The following SENP1 variants were observed in gnomAD, a reference collection of about 807,000 sequenced individuals.
SENP1 encodes SUMO specific peptidase 1.
A neutral mutation model predicts 93.0 loss-of-function variants in SENP1; 21 were observed. The observed-to-expected ratio is 0.23, with a 90% CI of 0.16 to 0.33. The LOEUF is 0.33. SENP1 is among the 10% of genes least tolerant of loss of function. SENP1 has a pLI of 1.00. For missense variants in SENP1, 591 were observed against 758.7 expected (o/e 0.78, Z 2.60); for synonymous variants, 256 against 259.6 (o/e 0.99, Z 0.13).
At chr12:48,079,119 C>T (rs1429672040) in intron 6 of SENP1, among the ~76,000 whole-genome samples, 1 of 152,042 alleles carries the variant, frequency 6.6e-6, no homozygotes, top group Non-Finnish European at 1.5e-5. Flanking sequence ...CACTGCATTC[C>T]AGCCTGGGTG....
At chr12:48,083,462 C>T in intron 6 of SENP1, 129 bp downstream of exon 6, 1 of 749,142 alleles carries the variant, frequency 1.3e-6, no homozygotes, top group Non-Finnish European at 2.2e-6. Flanking sequence ...AAGAGTAATT[C>T]AGACAGAAAA....
chr12:48,055,033 C>A, intron 13 of SENP1: 1 of 219,628 alleles, frequency 4.6e-6, no homozygotes, highest in South Asian at 7.8e-5. Flanking sequence ...GCAAAGAATC[C>A]ATGCCTAAAT....
chr12:48,087,702 A>T (rs904635451), intron 5 of SENP1, among the ~76,000 whole-genome samples: 2 of 152,160 alleles, frequency 1.3e-5, no homozygotes, highest in African/African-American at 4.8e-5. Flanking sequence ...ATAATTTTTT[A>T]AAAGTTAAGT....
intron 9 of SENP1, among the ~76,000 whole-genome samples, chr12:48,068,611 G>A (rs546435274): frequency 2.6e-5 from 4 of 151,980 alleles, no homozygotes; most frequent in South Asian, 4.2e-4. Context: ...AAAAAAAAGC[G>A]GGGGAGGAAT....
At chr12:48,055,824 T>C (rs997083231) in intron 13 of SENP1, among the ~76,000 whole-genome samples, 3 of 144,510 alleles carry the variant, frequency 2.1e-5, no homozygotes, top group African/African-American at 5.0e-5. Flanking sequence ...TATTAATATA[T>C]ATTTTATATA....
intron 13 of SENP1, among the ~76,000 whole-genome samples, chr12:48,059,433 G>A (rs1276430863): frequency 6.6e-6 from 1 of 151,954 alleles, no homozygotes; most frequent in Non-Finnish European, 1.5e-5. Context: ...GAAGTTCAAG[G>A]TCGGTCTTGT....
rs145219575 is a variant in SENP1, at chr12:48,084,694, G to T, written c.381-932C>A. Among the ~76,000 whole-genome samples, 35 of 151,962 alleles carry T rather than the reference G, an allele frequency of 2.3e-4. 1 individual carries two copies. The East Asian group carries it at 6.4e-3, about 28-fold the overall frequency. ...AACTCCTGACCTCAGGTAATCCGCCGGCCTCAGCTTCCCAAAGTGCTGGGA... is the reference window on the plus strand; with the variant it reads ...AACTCCTGACCTCAGGTAATCCGCCTGCCTCAGCTTCCCAAAGTGCTGGGA... On this transcript the variant is annotated intron_variant, in intron 5 of 17. Coordinates refer to ENST00000549518, the MANE Select transcript of SENP1 (RefSeq NM_001267594.2).
intron 6 of SENP1, among the ~76,000 whole-genome samples, chr12:48,082,820 T>A (rs1944578515): frequency 6.6e-6 from 1 of 152,208 alleles, no homozygotes; most frequent in Admixed American, 6.5e-5. Flanking sequence ...TGAAAGGATG[T>A]ATATTGTTTA....
At chr12:48,076,393 C>T (rs1197666488) in intron 6 of SENP1, among the ~76,000 whole-genome samples, 1 of 152,068 alleles carries the variant, frequency 6.6e-6, no homozygotes, top group Non-Finnish European at 1.5e-5. Context: ...TGCGCCATAT[C>T]GGCTCACTGC....
chr12:48,064,100 A>G (rs2136952927), intron 12 of SENP1, among the ~76,000 whole-genome samples: 1 of 152,200 alleles, frequency 6.6e-6, no homozygotes, highest in African/African-American at 2.4e-5. Context: ...TTAATTCCTA[A>G]AGTCTGGAAC....
intron 6 of SENP1, chr12:48,080,508 T>C (rs1396547490): frequency 6.6e-6 from 1 of 152,362 alleles, no homozygotes; most frequent in African/African-American, 2.4e-5. Flanking sequence ...TTCCTGAAGT[T>C]GATGGACAAA....
At chr12:48,071,175 C>G (rs1260768445) in intron 9 of SENP1, among the ~76,000 whole-genome samples, 1 of 151,958 alleles carries the variant, frequency 6.6e-6, no homozygotes, top group Non-Finnish European at 1.5e-5. Context: ...GAATGAAGAA[C>G]AAAATAGAGG....
chr12:48,086,894 C>T (rs1046535133), intron 5 of SENP1, among the ~76,000 whole-genome samples: 3 of 152,064 alleles, frequency 2.0e-5, no homozygotes, highest in Non-Finnish European at 4.4e-5. Context: ...CAAAAATTAG[C>T]AGGACATGGT....
intron 8 of SENP1, among the ~76,000 whole-genome samples, chr12:48,073,612 A>T (rs2137036008): frequency 6.6e-6 from 1 of 152,272 alleles, no homozygotes; most frequent in Non-Finnish European, 1.5e-5. Context: ...TCACGACAAA[A>T]CCTTAATTAA....
At chr12:48,057,783 G>A (rs963498104) in intron 13 of SENP1, among the ~76,000 whole-genome samples, 1 of 150,374 alleles carries the variant, frequency 6.7e-6, no homozygotes, top group Non-Finnish European at 1.5e-5. Flanking sequence ...ATTTTTAGTA[G>A]ACAGAGTTTT....
At position 48,045,325 on chromosome 12, in the gene SENP1, C is replaced by T. The variant is rs773697626; in HGVS notation, c.1932G>A (p.Leu644=). 8.7e-6 allele frequency: 14 copies of T among 1,613,368 alleles called. No homozygotes were observed. The highest frequency in any genetic ancestry group is 4.2e-6 in the Non-Finnish European group (5 of 1,179,604). The stretch of plus-strand genomic sequence containing the variant: ...GGTCTGCTAAGTGAGACAGTCTTCA[C>T]AAGAGTTTTCGGTGGAGGATCTCCC... ...MVWEILHRKL[L] Residue 644 remains leucine, a synonymous_variant, in exon 18 of 18, where the codon TTG becomes TTA. Transcript: ENST00000549518.
intron 14 of SENP1, among the ~76,000 whole-genome samples, chr12:48,048,487 T>C (rs528779548): frequency 6.6e-6 from 1 of 152,252 alleles, no homozygotes; most frequent in Non-Finnish European, 1.5e-5. Flanking sequence ...TTTGGCTTTA[T>C]GCTTTTGAAA....
At chr12:48,046,811 C>A (rs985280036) in intron 16 of SENP1, among the ~76,000 whole-genome samples, 167 bp downstream of exon 16, 1 of 152,056 alleles carries the variant, frequency 6.6e-6, no homozygotes, top group Admixed American at 6.5e-5. Context: ...AACACACTAT[C>A]ACTTTTCCTA....
chr12:48,056,868 A>G (rs1942511841), intron 13 of SENP1, among the ~76,000 whole-genome samples: 1 of 67,194 alleles, frequency 1.5e-5, no homozygotes, highest in Non-Finnish European at 2.6e-5. Flanking sequence ...TTAATATATT[A>G]CATATTACAT....
Sources: allele counts gnomAD v4.1 joint callset (sites outside exome capture counted in the v4.1 genomes callset), GRCh38; gene constraint gnomAD v4.1.1; transcripts MANE v1.5; gene names NCBI Gene and HGNC (gene_info 2026-07-23, HGNC 2026-07-21).